The following TEAD3 variants were observed in gnomAD, a reference collection of about 807,000 sequenced individuals.
TEAD3 encodes the protein transcriptional enhancer factor TEF-5.
Under a neutral mutation model 55.6 loss-of-function variants are expected in TEAD3, and 15 were observed. The ratio of observed to expected loss-of-function variants is 0.27; its 90% confidence interval spans 0.18 to 0.42. The LOEUF (loss-of-function observed/expected upper bound fraction) is 0.42, where lower values mean the gene tolerates loss of function less well. Ranked by LOEUF, TEAD3 falls within the 10% of genes least tolerant of loss-of-function variation. The probability of loss-of-function intolerance (pLI) is 1.00; values close to 1 mark genes in which losing one functional copy is unlikely to be tolerated. For synonymous variants in TEAD3, 210 were observed against 232.2 expected (o/e 0.90, Z 0.87); for missense variants, 407 against 576.8 (o/e 0.71, Z 3.01).
In TEAD3 at chr6:35,476,101, A is replaced by G; in HGVS notation, c.727-9T>C. ...AACAGGTGTTTGCTGTACTGTGGGG[A>G]GGGCCCAGACAGGGTCAGGAGAGTA... is the stretch of plus-strand genomic sequence containing the variant. On this transcript the variant is annotated splice_polypyrimidine_tract_variant and intron_variant, in intron 9 of 12. Transcript: ENST00000639578. 6.5e-7 allele frequency: 1 copy of G among 1,534,812 alleles called. No individual in the cohort carries two copies. The highest frequency in any genetic ancestry group is 2.0e-5 in the Admixed American group (1 of 49,352).
chr6:35,474,938 G>T, exon 13 of TEAD3: 1 of 964,812 alleles, frequency 1.0e-6, no homozygotes, highest in Non-Finnish European at 1.5e-6. Flanking sequence ...TGGGCCTGAG[G>T]CCTGGCAGGT....
At chr6:35,482,174 C>T (rs1405310759) in intron 3 of TEAD3, among the ~76,000 whole-genome samples, 2 of 152,006 alleles carry the variant, frequency 1.3e-5, no homozygotes, top group Admixed American at 6.6e-5. Context: ...TTAGTAGAGA[C>T]GGGGTTTCAC....
At chr6:35,480,017 G>A in intron 4 of TEAD3, 1 of 1,436,930 alleles carries the variant, frequency 7.0e-7, no homozygotes, top group Non-Finnish European at 9.4e-7. Context: ...CTGCACCCAG[G>A]AGGGTGCTGG....
At position 35,479,291 on chromosome 6, in the gene TEAD3, G is replaced by A; in HGVS notation, c.342+14C>T. Reference sequence around the variant, plus strand: ...CTTTCCCCCACTCCCACTGGGGAGGGCTGTGCTACTTACCAGGTTCATGGC... The same window carrying A: ...CTTTCCCCCACTCCCACTGGGGAGGACTGTGCTACTTACCAGGTTCATGGC... On this transcript the variant is annotated intron_variant, in intron 5 of 12. Transcript: ENST00000639578. 1.2e-6 allele frequency: 2 copies of A among 1,613,866 alleles called. No individual in the cohort carries two copies. Among genetic ancestry groups the A allele is most frequent in the Non-Finnish European group, 1.7e-6 (2 of 1,179,732 alleles).
chr6:35,483,920 G>A lies in TEAD3; in HGVS notation c.267+640C>T, dbSNP rs1768314746. Among the ~76,000 whole-genome samples, 1 of 152,154 alleles carries A rather than the reference G, an allele frequency of 6.6e-6. No individual in the cohort carries two copies. Among genetic ancestry groups the A allele is most frequent in the African/African-American group, 2.4e-5 (1 of 41,428 alleles). On this transcript the variant is annotated intron_variant, in intron 3 of 12. Transcript: ENST00000639578. This position sits in a 1 kb window ranked among gnomAD's most constrained non-coding sequence, Gnocchi z 4.5. Reference sequence around the variant, plus strand: ...TACCTATCTAGTAAGGTTACTGAGAGGATGAAATAAATTAACTTAAAGGAA... The same window carrying A: ...TACCTATCTAGTAAGGTTACTGAGAAGATGAAATAAATTAACTTAAAGGAA...
chr6:35,482,134 A>G (rs1768278221), intron 3 of TEAD3, among the ~76,000 whole-genome samples: 1 of 152,042 alleles, frequency 6.6e-6, no homozygotes, highest in Non-Finnish European at 1.5e-5. Context: ...CCAGGTGCAC[A>G]CCACCACACC....
rs779063813 is a variant in TEAD3 at position 35,480,294 on chromosome 6, G to A, written c.268-172C>T. On this transcript the variant is annotated intron_variant, in intron 3 of 12. Coordinates refer to ENST00000639578, the Ensembl canonical transcript of TEAD3. ...GGGCCCAGGAGGGCTGAAGGCCCCC[G>A]CCAGGCACCCAACATACCTTGATGC... 2.3e-5 allele frequency: 37 copies of A among 1,612,616 alleles called. No homozygotes were observed. Among genetic ancestry groups the A allele is most frequent in the South Asian group, 1.7e-4 (15 of 90,744 alleles).
chr6:35,493,117 A>G lies in TEAD3; in HGVS notation c.-50+3781T>C, dbSNP rs546931510. On this transcript the variant is annotated intron_variant, in intron 1 of 12. Coordinates refer to ENST00000639578, the Ensembl canonical transcript of TEAD3. ...CGCCCTTCCTCTCGCTCGCATACAC[A>G]GTTGCGTCACAGCCACTGTCCTGCT... 3.3e-5 allele frequency among the ~76,000 whole-genome samples: 5 copies of G among 152,220 alleles called. No individual in the cohort carries two copies. In the South Asian group the frequency reaches 1.0e-3, roughly 32 times the overall value.
chr6:35,495,872 T>C (rs1222087478), intron 1 of TEAD3, among the ~76,000 whole-genome samples: 1 of 152,176 alleles, frequency 6.6e-6, no homozygotes, highest in Non-Finnish European at 1.5e-5. Context: ...AGGCCTGACC[T>C]GGTTCTGCCC....
chr6:35,484,379 G>T lies in TEAD3; in HGVS notation c.267+181C>A, dbSNP rs1399529108. ...AAGAGAAGTGGGAAGGGTGAATGGA[G>T]CTGCTTGGGGGTGGGAGGGTGTAAA... On this transcript the variant is annotated intron_variant, in intron 3 of 12. Transcript: ENST00000639578. The surrounding 1 kb of genome is among the most constrained non-coding windows in gnomAD (Gnocchi z 5.8). 6.6e-6 allele frequency among the ~76,000 whole-genome samples: 1 copy of T among 152,106 alleles called. No homozygotes were observed. The highest frequency in any genetic ancestry group is 2.4e-5 in the African/African-American group (1 of 41,400).
At chr6:35,495,267 C>T (rs1160678083) in intron 1 of TEAD3, among the ~76,000 whole-genome samples, 6 of 152,210 alleles carry the variant, frequency 3.9e-5, no homozygotes, top group Non-Finnish European at 8.8e-5. Flanking sequence ...GTGCCAGGGT[C>T]TACAAACCTT....
intron 4 of TEAD3, chr6:35,479,999 C>T (rs535242981): frequency 5.1e-5 from 70 of 1,372,012 alleles, no homozygotes; most frequent in Non-Finnish European, 6.8e-5. Context: ...CACAGAGCAG[C>T]GACAGGCCTG....
intron 1 of TEAD3, among the ~76,000 whole-genome samples, chr6:35,489,706 T>C (rs1768467994): frequency 6.6e-6 from 1 of 152,026 alleles, no homozygotes; most frequent in South Asian, 2.1e-4. Context: ...GAGAGGGGAA[T>C]TCTTGGAATA....
At position 35,480,495 on chromosome 6, in the gene TEAD3, T is replaced by TG. The variant is rs1427306931; in HGVS notation, c.268-374dup. The TG allele has an allele frequency of 6.1e-6, 6 of 987,400 alleles. No homozygotes were observed. The African/African-American group carries it at 8.2e-5, about 14-fold the overall frequency. The allele number at this position is 987,400 out of a possible 1,614,324, so 61.2% of individuals were successfully genotyped here. A position where few individuals can be genotyped will look rare whatever the true frequency, so the allele number is the denominator to read the frequency against. On this transcript the variant is annotated intron_variant, in intron 3 of 12. Coordinates refer to ENST00000639578, the Ensembl canonical transcript of TEAD3. Reference sequence around the variant, plus strand: ...TCATCTCTAGGGAACTACATGTAAATGGGGGGACCTTTTTTCTTTTTGAAA... The same window carrying TG: ...TCATCTCTAGGGAACTACATGTAAATGGGGGGGACCTTTTTTCTTTTTGAAA...
chr6:35,480,116 T>C (rs1288967068), exon 4 of TEAD3: 2 of 1,544,506 alleles, frequency 1.3e-6, no homozygotes. Context: ...TGCAAGTGGC[T>C]AGAGACCTGT....
At chr6:35,479,542 G>T (rs945827502) in intron 4 of TEAD3, among the ~76,000 whole-genome samples, 1 of 152,240 alleles carries the variant, frequency 6.6e-6, no homozygotes, top group Non-Finnish European at 1.5e-5. Flanking sequence ...TGCCCTCTGG[G>T]TCTGTCCATA....
At chr6:35,480,429 C>T in intron 3 of TEAD3, 55 bp from the exon 4 acceptor site, 1 of 1,602,316 alleles carries the variant, frequency 6.2e-7, no homozygotes, top group Non-Finnish European at 8.5e-7. Flanking sequence ...TGAGGAGGCA[C>T]AGCCATGGGG....
At chr6:35,495,804 C>T (rs543943222) in intron 1 of TEAD3, among the ~76,000 whole-genome samples, 5 of 152,322 alleles carry the variant, frequency 3.3e-5, no homozygotes, top group African/African-American at 1.2e-4. Flanking sequence ...GGGCACCAGC[C>T]CCTCTGAGCT....
At chr6:35,493,629 G>A (rs865779933) in intron 1 of TEAD3, among the ~76,000 whole-genome samples, 6 of 152,154 alleles carry the variant, frequency 3.9e-5, no homozygotes, top group African/African-American at 1.4e-4. Context: ...TGTTTTACTC[G>A]CATGTAGTGT....
Sources: gnomAD v4.1 joint callset for allele counts (sites outside exome capture counted in the v4.1 genomes callset) on GRCh38, gnomAD v4.1.1 for gene constraint, Gnocchi (gnomAD v3.1) non-coding constraint, MANE v1.5 for transcripts, NCBI Gene and HGNC (gene_info 2026-07-23, HGNC 2026-07-21) for gene names.